SLC14A2: variants seen among roughly 807,000 people sequenced by gnomAD.
SLC14A2 encodes the protein urea transporter 2.
In SLC14A2, 91 loss-of-function variants were observed where a neutral mutation model predicts 104.6. That is an observed-to-expected ratio of 0.87 (90% CI 0.73 to 1.04). The LOEUF is 1.04. Ranked by LOEUF, SLC14A2 falls within the 50% of genes least tolerant of loss-of-function variation. SLC14A2 has a pLI of 0.00. For missense variants in SLC14A2, 1,189 were observed against 1,156.0 expected, an observed-to-expected ratio of 1.03 and a Z score of -0.41; for synonymous variants, 476 against 466.4, an observed-to-expected ratio of 1.02 and a Z score of -0.27.
Position 45,572,931 on chromosome 18 carries a change from C to T in SLC14A2, c.-34-51700C>T, listed in dbSNP as rs149355584. Among the ~76,000 whole-genome samples, 649 of 152,266 alleles carry T rather than the reference C, an allele frequency of 4.3e-3. 2 individuals carry two copies. The highest frequency in any genetic ancestry group is 6.5e-3 in the Non-Finnish European group (440 of 68,018). On this transcript the variant is annotated intron_variant, in intron 2 of 20. Coordinates refer to the SLC14A2 transcript ENST00000586448. ...GTAATAAATTATTTGATCGTTAAGA[C>T]GACCTTATGAAGCATCATTGTTATT...
chr18:45,363,977 C>A (rs867635129), intron 1 of SLC14A2, among the ~76,000 whole-genome samples: 8 of 152,182 alleles, frequency 5.3e-5, no homozygotes, highest in African/African-American at 1.9e-4. Context: ...ACAATGCAGT[C>A]TCCTCAATTG....
chr18:45,664,001 G>A (rs1567999928), intron 11 of SLC14A2, 94 bp downstream of exon 11: 2 of 1,339,490 alleles, frequency 1.5e-6, no homozygotes, highest in East Asian at 2.6e-5. Context: ...AGGGTGGTGG[G>A]GAGACCCGCT....
At chr18:45,505,459 C>T (rs1028398146) in intron 2 of SLC14A2, among the ~76,000 whole-genome samples, 6 of 152,168 alleles carry the variant, frequency 3.9e-5, no homozygotes, top group African/African-American at 1.2e-4. Flanking sequence ...GGTAATATTC[C>T]CTGAGAATGC....
At chr18:45,624,872 G>C in intron 2 of SLC14A2, 58 bp downstream of exon 2, 6 of 1,521,658 alleles carry the variant, frequency 3.9e-6, no homozygotes, top group Non-Finnish European at 2.7e-6. Flanking sequence ...AAAAGTGGGG[G>C]CAAAAGATGC....
intron 1 of SLC14A2, among the ~76,000 whole-genome samples, chr18:45,338,458 C>A (rs1348472879): frequency 6.6e-6 from 1 of 152,102 alleles, no homozygotes; most frequent in Non-Finnish European, 1.5e-5. Flanking sequence ...GCCTCTGCCT[C>A]CCAAAGTGTT....
chr18:45,334,738 T>C (rs2085322288), intron 1 of SLC14A2, among the ~76,000 whole-genome samples: 1 of 152,174 alleles, frequency 6.6e-6, no homozygotes, highest in Admixed American at 6.5e-5. Flanking sequence ...AATGAGTCAG[T>C]AGCTGTGAGA....
At chr18:45,507,848 T>C (rs1212201353) in intron 2 of SLC14A2, among the ~76,000 whole-genome samples, 8 of 151,892 alleles carry the variant, frequency 5.3e-5, no homozygotes, top group African/African-American at 9.7e-5. Context: ...CAAAGTAAAA[T>C]AAGGAAGCAG....
At chr18:45,332,252 G>T (rs555979800) in intron 1 of SLC14A2, among the ~76,000 whole-genome samples, 1 of 152,114 alleles carries the variant, frequency 6.6e-6, no homozygotes, top group East Asian at 1.9e-4. Flanking sequence ...ACCAACTGTG[G>T]ATCAAAAATA....
chr18:45,311,325 T>A (rs1008618791), intron 1 of SLC14A2, among the ~76,000 whole-genome samples: 1 of 152,178 alleles, frequency 6.6e-6, no homozygotes, highest in Non-Finnish European at 1.5e-5. Flanking sequence ...CTCTACACAC[T>A]CTAAACACAT....
chr18:45,452,256 A>G (rs1404131218), intron 1 of SLC14A2, among the ~76,000 whole-genome samples: 1 of 152,246 alleles, frequency 6.6e-6, no homozygotes, highest in Non-Finnish European at 1.5e-5. Context: ...GACAGTGCCT[A>G]TAAAATATGA....
chr18:45,601,010 G>A (rs571798267), intron 2 of SLC14A2, among the ~76,000 whole-genome samples: 32 of 152,250 alleles, frequency 2.1e-4, no homozygotes, highest in Admixed American at 1.9e-3. Context: ...AAGTAGGATA[G>A]GATGGGAGGG....
At chr18:45,375,927 A>G (rs368094832) in intron 1 of SLC14A2, among the ~76,000 whole-genome samples, 3 of 152,226 alleles carry the variant, frequency 2.0e-5, no homozygotes, top group East Asian at 3.9e-4. Flanking sequence ...GCAACAGTGC[A>G]TGCCCACATA....
At chr18:45,670,444 G>A (rs1296468486) in intron 16 of SLC14A2, among the ~76,000 whole-genome samples, 3 of 152,074 alleles carry the variant, frequency 2.0e-5, no homozygotes, top group East Asian at 1.9e-4. Flanking sequence ...TACACGAAAC[G>A]GCTCCACAGT....
chr18:45,401,477 C>A (rs1167851914), intron 1 of SLC14A2, among the ~76,000 whole-genome samples: 1 of 152,112 alleles, frequency 6.6e-6, no homozygotes. Flanking sequence ...ATGCCACAGC[C>A]ATGCTGGAAA....
chr18:45,383,448 A>G (rs146275380), intron 1 of SLC14A2, among the ~76,000 whole-genome samples: 5 of 152,250 alleles, frequency 3.3e-5, no homozygotes, highest in African/African-American at 9.6e-5. Flanking sequence ...ATCCAGAGTA[A>G]CCCACTCAGC....
chr18:45,397,781 T>A (rs2086051623), intron 1 of SLC14A2, among the ~76,000 whole-genome samples: 1 of 152,154 alleles, frequency 6.6e-6, no homozygotes, highest in African/African-American at 2.4e-5. Flanking sequence ...AGCAAAATAA[T>A]GAATCTCTCT....
At position 45,420,391 on chromosome 18, in the gene SLC14A2, A is replaced by G. The variant is rs139064258; in HGVS notation, c.-124-62842A>G. Among the ~76,000 whole-genome samples the G allele has an allele frequency of 3.1e-3, 465 of 152,338 alleles. 3 individuals carry two copies. Among genetic ancestry groups the G allele is most frequent in the African/African-American group, 0.011 (440 of 41,578 alleles). ...CTGATTCAATGAGAGTGAGAATTAT[A>G]CAAGGTGTGAACTCCAGGAAATAAA... On this transcript the variant is annotated intron_variant, in intron 1 of 20. Transcript: ENST00000586448.
chr18:45,248,523 A>G (rs561314683), intron 1 of SLC14A2, among the ~76,000 whole-genome samples: 5 of 152,032 alleles, frequency 3.3e-5, no homozygotes, highest in African/African-American at 1.2e-4. Flanking sequence ...ATGTGGGACT[A>G]AAAAAGTTGG....
intron 1 of SLC14A2, among the ~76,000 whole-genome samples, chr18:45,258,127 G>C (rs1249918518): frequency 6.9e-6 from 1 of 145,270 alleles, no homozygotes; most frequent in Non-Finnish European, 1.5e-5. Context: ...AACCCCCAAG[G>C]CATAAAAGGC....
Sources: gnomAD v4.1 joint callset for allele counts (sites outside exome capture counted in the v4.1 genomes callset) on GRCh38, gnomAD v4.1.1 for gene constraint, MANE v1.5 for transcripts, NCBI Gene and HGNC (gene_info 2026-07-23, HGNC 2026-07-21) for gene names.